LCORL: variants seen among roughly 807,000 people sequenced by gnomAD.
LCORL encodes ligand-dependent nuclear receptor corepressor-like protein.
Under a neutral mutation model 141.8 loss-of-function variants are expected in LCORL, and 41 were observed. That is an observed-to-expected ratio of 0.29 (90% CI 0.23 to 0.38). The LOEUF (loss-of-function observed/expected upper bound fraction) is 0.38. LCORL is among the 10% of genes least tolerant of loss of function. The probability of loss-of-function intolerance (pLI) is 1.00; values close to 1 mark genes in which losing one functional copy is unlikely to be tolerated. For synonymous variants in LCORL, 618 were observed against 694.1 expected (o/e 0.89, Z 1.72); for missense variants, 1,759 against 2,035.0 (o/e 0.86, Z 2.61).
chr4:17,979,012 G>A (rs535257945), intron 1 of LCORL, among the ~76,000 whole-genome samples: 1 of 152,126 alleles, frequency 6.6e-6, no homozygotes, highest in African/African-American at 2.4e-5. Flanking sequence ...CGTGCTGCAC[G>A]CATTAGGTAT....
intron 4 of LCORL, among the ~76,000 whole-genome samples, chr4:17,925,426 C>T (rs763670240): frequency 1.4e-4 from 21 of 152,076 alleles, no homozygotes; most frequent in African/African-American, 4.6e-4. Context: ...GTCACTCCAT[C>T]GGGTAAAAAC....
At chr4:17,913,575 T>C (rs1327433174) in intron 4 of LCORL, among the ~76,000 whole-genome samples, 1 of 152,226 alleles carries the variant, frequency 6.6e-6, no homozygotes, top group East Asian at 1.9e-4. Flanking sequence ...CTGTTTATTA[T>C]AAGAGTGTTC....
intron 1 of LCORL, among the ~76,000 whole-genome samples, chr4:17,976,620 A>G (rs1717038883): frequency 6.6e-6 from 1 of 152,174 alleles, no homozygotes; most frequent in African/African-American, 2.4e-5. Flanking sequence ...AAGTCTTTTA[A>G]ATTTACTCAC....
intron 4 of LCORL, chr4:17,912,358 A>G (rs564484555): frequency 3.0e-6 from 2 of 663,650 alleles, no homozygotes; most frequent in South Asian, 2.7e-5. Context: ...AGAGGAAGTA[A>G]AAGGCCTACA....
At chr4:17,961,606 G>A (rs1252569797) in intron 4 of LCORL, among the ~76,000 whole-genome samples, 1 of 151,736 alleles carries the variant, frequency 6.6e-6, no homozygotes, top group Non-Finnish European at 1.5e-5. Flanking sequence ...AATACAATAA[G>A]GAAGACCAGA....
chr4:17,845,896 A>G (rs767208759), exon 8 of LCORL: 3 of 1,601,118 alleles, frequency 1.9e-6, no homozygotes, highest in Non-Finnish European at 2.6e-6. Flanking sequence ...TTTCACTTGT[A>G]GCATGCTGGA....
chr4:17,926,469 G>A (rs551725876), intron 4 of LCORL, among the ~76,000 whole-genome samples: 41 of 152,146 alleles, frequency 2.7e-4, no homozygotes, highest in Non-Finnish European at 5.3e-4. Flanking sequence ...TCAGCTTTTC[G>A]ACTCTTGGAC....
intron 1 of LCORL, among the ~76,000 whole-genome samples, chr4:17,989,041 T>C (rs1334450263): frequency 1.3e-5 from 2 of 152,248 alleles, no homozygotes; most frequent in Non-Finnish European, 1.5e-5. Context: ...TTTCCATGGA[T>C]GTGGCCAATT....
chr4:17,879,097 T>A (rs1727233369), intron 6 of LCORL, among the ~76,000 whole-genome samples: 1 of 151,230 alleles, frequency 6.6e-6, no homozygotes, highest in Non-Finnish European at 1.5e-5. Flanking sequence ...ATTTGTTGTT[T>A]TTAATAGTTC....
chr4:17,854,418 G>C (rs1304332187), intron 7 of LCORL, among the ~76,000 whole-genome samples: 2 of 152,028 alleles, frequency 1.3e-5, no homozygotes, highest in African/African-American at 4.8e-5. Flanking sequence ...GTTTTCACTG[G>C]GGATAAAATA....
intron 4 of LCORL, chr4:17,912,780 A>G: frequency 2.4e-6 from 1 of 421,850 alleles, no homozygotes; most frequent in South Asian, 1.9e-5. Context: ...CAGGCCCAGG[A>G]GTACGAGGTC....
intron 1 of LCORL, among the ~76,000 whole-genome samples, chr4:17,987,313 A>T (rs1399087275): frequency 1.3e-5 from 2 of 152,212 alleles, no homozygotes. Flanking sequence ...AGAATATCAC[A>T]TATGCACTTT....
At chr4:17,856,288 A>G (rs1724358109) in intron 7 of LCORL, among the ~76,000 whole-genome samples, 1 of 152,124 alleles carries the variant, frequency 6.6e-6, no homozygotes, top group Non-Finnish European at 1.5e-5. Flanking sequence ...AGGTGACTGT[A>G]TTTGGGGATA....
chr4:17,851,352 G>C (rs1454352630), intron 7 of LCORL, among the ~76,000 whole-genome samples: 3 of 151,896 alleles, frequency 2.0e-5, no homozygotes, highest in Admixed American at 1.3e-4. Flanking sequence ...CCTCTTCTGG[G>C]GCAACTATTG....
chr4:17,901,056 T>C (rs997483664), intron 5 of LCORL, among the ~76,000 whole-genome samples: 2 of 152,110 alleles, frequency 1.3e-5, no homozygotes, highest in South Asian at 2.1e-4. Flanking sequence ...GACAGAAATG[T>C]ATTGTTCTTT....
At chr4:17,853,068 T>C (rs1410537951) in intron 7 of LCORL, among the ~76,000 whole-genome samples, 1 of 149,168 alleles carries the variant, frequency 6.7e-6, no homozygotes, top group Non-Finnish European at 1.5e-5. Context: ...TTTTTTTTTT[T>C]TTTTAACAAT....
At position 18,010,331 on chromosome 4, in the gene LCORL, A is replaced by G. The variant is rs149115018; in HGVS notation, c.154+11267T>C. ...ATTTTATTTTGAGAGTTTAAAAAAT[A>G]CAGTTGTTCCAAACACTAAAATATA... On this transcript the variant is annotated intron_variant, in intron 1 of 7. Transcript: ENST00000635767. 3.0e-4 allele frequency among the ~76,000 whole-genome samples: 46 copies of G among 152,282 alleles called. 1 individual carries two copies. Among genetic ancestry groups the G allele is most frequent in the African/African-American group, 1.1e-3 (44 of 41,550 alleles).
rs893498993 is a variant in LCORL at position 17,937,574 on chromosome 4, T to C, written c.430+24329A>G. Among the ~76,000 whole-genome samples the C allele has an allele frequency of 2.0e-5, 3 of 152,218 alleles. No individual in the cohort carries two copies. The East Asian group carries it at 5.8e-4, about 29-fold the overall frequency. On this transcript the variant is annotated intron_variant, in intron 4 of 7. Transcript: ENST00000635767. Reference sequence around the variant, plus strand: ...AACCTCCTGTGATGAAGGGAATAAATGAAAAACCTTACAGACTTAGATTTC... The same window carrying C: ...AACCTCCTGTGATGAAGGGAATAAACGAAAAACCTTACAGACTTAGATTTC...
intron 5 of LCORL, among the ~76,000 whole-genome samples, chr4:17,891,594 A>C (rs1729087171): frequency 6.6e-6 from 1 of 152,214 alleles, no homozygotes; most frequent in African/African-American, 2.4e-5. Flanking sequence ...TTAATAAAGC[A>C]TGAAAAAACT....
Sources: gnomAD v4.1 joint callset for allele counts (sites outside exome capture counted in the v4.1 genomes callset) on GRCh38, gnomAD v4.1.1 for gene constraint, MANE v1.5 for transcripts, NCBI Gene and HGNC (gene_info 2026-07-23, HGNC 2026-07-21) for gene names.